The following NWD1 variants were observed in gnomAD, a reference collection of about 807,000 sequenced individuals.
The protein encoded by NWD1 is NACHT and WD repeat domain containing 1.
A neutral mutation model predicts 135.1 loss-of-function variants in NWD1; 129 were observed. That is an observed-to-expected ratio of 0.96 (90% CI 0.83 to 1.11). The LOEUF (loss-of-function observed/expected upper bound fraction) is 1.11. Ranked by LOEUF, NWD1 falls within the 50% of genes least tolerant of loss-of-function variation. The probability of loss-of-function intolerance (pLI) is 0.00; values close to 1 mark genes in which losing one functional copy is unlikely to be tolerated. For missense variants in NWD1, 1,740 were observed against 1,851.3 expected (o/e 0.94, Z 1.10); for synonymous variants, 773 against 786.0 (o/e 0.98, Z 0.28).
intron 16 of NWD1, among the ~76,000 whole-genome samples, 199 bp downstream of exon 16, chr19:16,798,085 A>G (rs1970479820): frequency 6.6e-6 from 1 of 152,128 alleles, no homozygotes; most frequent in South Asian, 2.1e-4. Context: ...ATGTTCAACA[A>G]AGGAGGTAGC....
At chr19:16,781,534 T>C (rs1162636502) in intron 12 of NWD1, among the ~76,000 whole-genome samples, 2 of 151,956 alleles carry the variant, frequency 1.3e-5, no homozygotes, top group African/African-American at 4.8e-5. Flanking sequence ...GAGAATCGCT[T>C]GAGCTCAGGA....
At chr19:16,784,681 A>ACGCGGTGGCTCAC (rs1969977377) in intron 12 of NWD1, among the ~76,000 whole-genome samples, 1 of 152,110 alleles carries the variant, frequency 6.6e-6, no homozygotes, top group Admixed American at 6.6e-5. Flanking sequence ...CTGTAATCCC[A>ACGCGGTGGCTCAC]GCACTTTGGG....
chr19:16,767,670 A>C (rs1183305054), intron 10 of NWD1, among the ~76,000 whole-genome samples: 1 of 152,040 alleles, frequency 6.6e-6, no homozygotes, highest in African/African-American at 2.4e-5. Flanking sequence ...TGAGAACAGC[A>C]TGGGGGAACC....
intron 17 of NWD1, among the ~76,000 whole-genome samples, chr19:16,807,169 T>A (rs775173932): frequency 7.9e-4 from 93 of 118,376 alleles, no homozygotes; most frequent in Admixed American, 1.4e-3. Flanking sequence ...GAATACTGTC[T>A]CAAAAAAAAA....
chr19:16,764,208 A>G (rs766517809), intron 9 of NWD1, among the ~76,000 whole-genome samples: 29 of 152,158 alleles, frequency 1.9e-4, no homozygotes, highest in Non-Finnish European at 4.1e-4. Flanking sequence ...TACAGTGCAC[A>G]GGACACCCTA....
intron 12 of NWD1, among the ~76,000 whole-genome samples, chr19:16,785,183 T>A (rs911368380): frequency 3.3e-5 from 5 of 152,098 alleles, no homozygotes; most frequent in African/African-American, 1.2e-4. Context: ...ACACTGTGAA[T>A]GGCTAAATGC....
chr19:16,755,966 C>T (rs1235021261), intron 6 of NWD1, among the ~76,000 whole-genome samples: 3 of 152,216 alleles, frequency 2.0e-5, no homozygotes, highest in East Asian at 1.9e-4. Context: ...TACTAATAGC[C>T]TACTGTTGAC....
At chr19:16,810,176 A>G (rs1460281553) in intron 18 of NWD1, among the ~76,000 whole-genome samples, 1 of 152,056 alleles carries the variant, frequency 6.6e-6, no homozygotes, top group Non-Finnish European at 1.5e-5. Flanking sequence ...CATGGCTCAC[A>G]CCTGTAATCC....
chr19:16,797,353 CAG>C (rs1287568984), intron 15 of NWD1, among the ~76,000 whole-genome samples: 4 of 131,582 alleles, frequency 3.0e-5, no homozygotes, highest in South Asian at 2.4e-4. Flanking sequence ...TTTTTTGAGA[CAG>C]AGTCTGGCTC....
chr19:16,749,051 C>T, intron 5 of NWD1, 88 bp from the exon 6 acceptor site: 2 of 1,024,118 alleles, frequency 2.0e-6, no homozygotes, highest in Non-Finnish European at 2.9e-6. Flanking sequence ...GCACATCCCC[C>T]AACAACAGGT....
intron 11 of NWD1, among the ~76,000 whole-genome samples, chr19:16,779,114 C>A (rs1969765314): frequency 6.6e-6 from 1 of 152,178 alleles, no homozygotes; most frequent in Non-Finnish European, 1.5e-5. Flanking sequence ...CACTGTGATG[C>A]AGTCCCCTTC....
At chr19:16,755,687 C>CTTATTTATTTATATATTTAT in intron 6 of NWD1, among the ~76,000 whole-genome samples, 1 of 148,014 alleles carries the variant, frequency 6.8e-6, no homozygotes, top group Non-Finnish European at 1.5e-5. Context: ...CACATCCAGC[C>CTTATTTATTTATATATTTAT]TTATTTATTT....
At chr19:16,793,347 C>T (rs959255740) in intron 14 of NWD1, among the ~76,000 whole-genome samples, 3 of 152,012 alleles carry the variant, frequency 2.0e-5, no homozygotes, top group Non-Finnish European at 2.9e-5. Context: ...CGTCCTCTCG[C>T]CTCAGCCTCC....
chr19:16,782,816 CT>C, intron 12 of NWD1, among the ~76,000 whole-genome samples: 2 of 152,006 alleles, frequency 1.3e-5, no homozygotes, highest in East Asian at 3.9e-4. Flanking sequence ...GAGATCCTGT[CT>C]TTTGGTTGTT....
intron 13 of NWD1, 128 bp downstream of exon 13, chr19:16,789,318 C>G (rs1202264554): frequency 1.4e-6 from 1 of 690,510 alleles, no homozygotes; most frequent in African/African-American, 1.8e-5. Context: ...GAGTACACAA[C>G]CACTTGAGAG....
In NWD1 at chr19:16,788,962, C is replaced by T. The variant is rs868251838; in HGVS notation, c.2732-20C>T. 8 of 1,596,022 alleles carry T rather than the reference C, an allele frequency of 5.0e-6. No homozygotes were observed. In the African/African-American group the frequency reaches 5.4e-5, roughly 11 times the overall value. On this transcript the variant is annotated intron_variant, in intron 12 of 18. Transcript: ENST00000524140. ...AATGTTCCCAGCTAATATACTCTCC[C>T]CTACCCTGGCCTGCTGCAGGAGAGG...
chr19:16,729,577 T>TAAAAAAAAAAA (rs537329853), intron 2 of NWD1, among the ~76,000 whole-genome samples: 1 of 125,052 alleles, frequency 8.0e-6, no homozygotes, highest in African/African-American at 3.0e-5. Flanking sequence ...TTACAAAAAG[T>TAAAAAAAAAAA]AAAAAAAAAA....
intron 18 of NWD1, among the ~76,000 whole-genome samples, chr19:16,813,443 C>A (rs762826355): frequency 3.9e-5 from 6 of 151,936 alleles, no homozygotes; most frequent in African/African-American, 1.5e-4. Context: ...TCTTTGCCCC[C>A]GCCTTATAGA....
intron 2 of NWD1, among the ~76,000 whole-genome samples, chr19:16,724,724 G>A (rs1198944620): frequency 1.3e-5 from 2 of 152,048 alleles, no homozygotes; most frequent in African/African-American, 4.8e-5. Flanking sequence ...ACGAAGTTTC[G>A]CTCCTATTGC....
Sources: gnomAD v4.1 joint callset for allele counts (sites outside exome capture counted in the v4.1 genomes callset) on GRCh38, gnomAD v4.1.1 for gene constraint, MANE v1.5 for transcripts, NCBI Gene and HGNC (gene_info 2026-07-23, HGNC 2026-07-21) for gene names.